SNX30: variants seen among roughly 807,000 people sequenced by gnomAD.
The protein encoded by SNX30 is sorting nexin family member 30.
Under a neutral mutation model 46.4 loss-of-function variants are expected in SNX30, and 24 were observed. That is an observed-to-expected ratio of 0.52 (90% confidence interval 0.37 to 0.73). The LOEUF is 0.73. Ranked by LOEUF, SNX30 falls within the 30% of genes least tolerant of loss-of-function variation. The pLI is 0.00. For missense variants in SNX30, 533 were observed against 555.7 expected (o/e 0.96, Z 0.41); for synonymous variants, 189 against 211.5 (o/e 0.89, Z 0.92).
intron 1 of SNX30, among the ~76,000 whole-genome samples, chr9:112,757,974 C>T (rs972626559): frequency 6.6e-6 from 1 of 152,118 alleles, no homozygotes; most frequent in Admixed American, 6.5e-5. Flanking sequence ...TTCCACAGAC[C>T]CTCCGTCTGC....
chr9:112,868,538 A>G (rs140301377), intron 8 of SNX30, among the ~76,000 whole-genome samples: 1 of 152,346 alleles, frequency 6.6e-6, no homozygotes, highest in East Asian at 1.9e-4. Flanking sequence ...TGAGCTTTAC[A>G]GACTAACATG....
At chr9:112,773,672 A>G (rs1009281393) in intron 1 of SNX30, among the ~76,000 whole-genome samples, 3 of 152,336 alleles carry the variant, frequency 2.0e-5, no homozygotes, top group Admixed American at 6.5e-5. Flanking sequence ...CTCAAGGCAT[A>G]TGGGGAAGGG....
downstream of SNX30, chr9:112,877,118 G>C (rs545155874): frequency 1.1e-3 from 152 of 143,198 alleles, no homozygotes; most frequent in African/African-American, 3.8e-3. Flanking sequence ...CCGGTTCCCA[G>C]GTGATGCTGC....
chr9:112,764,820 CT>C (rs1392218492), intron 1 of SNX30, among the ~76,000 whole-genome samples: 2 of 152,214 alleles, frequency 1.3e-5, no homozygotes, highest in African/African-American at 4.8e-5. Context: ...GACAGGCTTG[CT>C]TTAACGTAGG....
At chr9:112,843,668 C>G (rs1182342820) in intron 6 of SNX30, among the ~76,000 whole-genome samples, 1 of 125,112 alleles carries the variant, frequency 8.0e-6, no homozygotes, top group Non-Finnish European at 1.6e-5. Context: ...ACTCTGTTGC[C>G]CAGGCTGCGT....
In SNX30 at chr9:112,846,568, C is replaced by G. The variant is rs188432066; in HGVS notation, c.1015-4291C>G. On this transcript the variant is annotated intron_variant, in intron 6 of 8. Coordinates refer to ENST00000374232, the MANE Select transcript of SNX30 (RefSeq NM_001012994.2). Reference sequence around the variant, plus strand: ...GAAAGTGCCCTTCTAGAGGGCTACCCTAAGCCACAGGGCTACGTGCGTATT... The same window carrying G: ...GAAAGTGCCCTTCTAGAGGGCTACCGTAAGCCACAGGGCTACGTGCGTATT... Among the ~76,000 whole-genome samples the G allele has an allele frequency of 9.1e-4, 138 of 152,330 alleles. 2 individuals carry two copies. The highest frequency in any genetic ancestry group is 5.3e-4 in the Non-Finnish European group (36 of 68,036).
Position 112,871,950 on chromosome 9 carries a change from A to G in SNX30, c.*3107A>G, listed in dbSNP as rs1452412721. 6.6e-6 allele frequency: 1 copy of G among 152,186 alleles called. No individual in the cohort carries two copies. Among genetic ancestry groups the G allele is most frequent in the African/African-American group, 2.4e-5 (1 of 41,436 alleles). The allele number at this position is 152,186 out of a possible 1,614,324, so 9.4% of individuals were successfully genotyped here. ...TTTATCCTTTAATAAAAGTTTTATA[A>G]TGAATCCTGTTCACCTTAAAGTGTG... On this transcript the variant is annotated 3_prime_UTR_variant, in exon 9 of 9. Coordinates refer to ENST00000374232, the MANE Select transcript of SNX30 (RefSeq NM_001012994.2).
intron 2 of SNX30, among the ~76,000 whole-genome samples, chr9:112,816,978 T>C (rs1035071554): frequency 3.3e-5 from 5 of 152,186 alleles, no homozygotes; most frequent in African/African-American, 1.2e-4. Context: ...ACTTTAAAAA[T>C]TGAGAAAAAG....
chr9:112,851,559 TCTGGCTCCAGTGTTTGTAA>T (rs1345582772), intron 7 of SNX30, among the ~76,000 whole-genome samples: 1 of 152,212 alleles, frequency 6.6e-6, no homozygotes, highest in Non-Finnish European at 1.5e-5. Context: ...TAGGATGCCT[TCTGGCTCCAGTGTTTGTAA>T]CTGCTCGGTA....
chr9:112,817,426 T>TTTTTTTTTTTTTTTTTTTTTG, intron 2 of SNX30, among the ~76,000 whole-genome samples: 1 of 101,146 alleles, frequency 9.9e-6, no homozygotes, highest in Admixed American at 1.0e-4. Context: ...TTTTTTTTTT[T>TTTTTTTTTTTTTTTTTTTTTG]TTTTTGAGAC....
At chr9:112,763,321 T>C (rs1274850996) in intron 1 of SNX30, among the ~76,000 whole-genome samples, 1 of 151,112 alleles carries the variant, frequency 6.6e-6, no homozygotes, top group Non-Finnish European at 1.5e-5. Flanking sequence ...CTGACCAGTC[T>C]TAGCTCCTAG....
At chr9:112,797,672 A>G (rs1449365839) in intron 1 of SNX30, among the ~76,000 whole-genome samples, 3 of 149,116 alleles carry the variant, frequency 2.0e-5, no homozygotes, top group African/African-American at 4.9e-5. Flanking sequence ...CTTTACATTT[A>G]TAGGTGCTTG....
intron 6 of SNX30, among the ~76,000 whole-genome samples, chr9:112,844,264 C>A (rs897050792): frequency 6.6e-6 from 1 of 151,986 alleles, no homozygotes; most frequent in African/African-American, 2.4e-5. Flanking sequence ...TTTATTGGGA[C>A]GGGGAGGGTC....
intron 3 of SNX30, among the ~76,000 whole-genome samples, chr9:112,824,954 C>T (rs959305643): frequency 1.3e-5 from 2 of 152,096 alleles, no homozygotes; most frequent in African/African-American, 4.8e-5. Flanking sequence ...ATTTTCATTA[C>T]CCCCAAAAGA....
chr9:112,825,527 C>G (rs987714130), intron 3 of SNX30, among the ~76,000 whole-genome samples: 1 of 152,108 alleles, frequency 6.6e-6, no homozygotes, highest in Non-Finnish European at 1.5e-5. Flanking sequence ...CTCCTAGCCT[C>G]AAGCAATCCT....
chr9:112,750,995 G>A lies in SNX30; in HGVS notation c.-7G>A, dbSNP rs1839264986. The A allele has an allele frequency of 1.6e-6, 2 of 1,267,352 alleles. No homozygotes were observed. The highest frequency in any genetic ancestry group is 5.5e-5 in the South Asian group (2 of 36,422). The allele number at this position is 1,267,352 out of a possible 1,614,324, so 78.5% of individuals were successfully genotyped here. ...GCGGCGGCGGCGCGTCCCGAGCGGT[G>A]CGCGCCATGGCGGGCGGGCCCCCCA... On this transcript the variant is annotated 5_prime_UTR_variant, in exon 1 of 9. Coordinates refer to ENST00000374232, the MANE Select transcript of SNX30 (RefSeq NM_001012994.2).
At chr9:112,810,590 G>A (rs959980949) in intron 2 of SNX30, among the ~76,000 whole-genome samples, 4 of 152,278 alleles carry the variant, frequency 2.6e-5, no homozygotes, top group African/African-American at 4.8e-5. Context: ...AGGGGATGCC[G>A]TTTAGAGGGA....
intron 3 of SNX30, among the ~76,000 whole-genome samples, chr9:112,827,919 G>C (rs1206116729): frequency 6.6e-6 from 1 of 152,178 alleles, no homozygotes; most frequent in East Asian, 1.9e-4. Flanking sequence ...TCCCTAAAGA[G>C]GCTTGCATTT....
intron 3 of SNX30, among the ~76,000 whole-genome samples, chr9:112,821,034 G>A (rs1361990144): frequency 6.6e-6 from 1 of 152,162 alleles, no homozygotes; most frequent in Admixed American, 6.5e-5. Flanking sequence ...TTTGGGGGGG[G>A]TGTATTCTTA....
Sources: allele counts gnomAD v4.1 joint callset (sites outside exome capture counted in the v4.1 genomes callset), GRCh38; gene constraint gnomAD v4.1.1; transcripts MANE v1.5; gene names NCBI Gene and HGNC (gene_info 2026-07-23, HGNC 2026-07-21).